The following KNG1 variants were observed in gnomAD, a reference collection of about 807,000 sequenced individuals.
KNG1 encodes kininogen 1.
Under a neutral mutation model 47.8 loss-of-function variants are expected in KNG1, and 23 were observed. That is an observed-to-expected ratio of 0.48 (90% CI 0.35 to 0.68). The LOEUF (loss-of-function observed/expected upper bound fraction) is 0.68. Ranked by LOEUF, KNG1 falls within the 30% of genes least tolerant of loss-of-function variation. The pLI, the probability that KNG1 is intolerant of heterozygous loss-of-function variation, is 0.01. For missense variants in KNG1, 762 were observed against 790.2 expected, an observed-to-expected ratio of 0.96 and a Z score of 0.43; for synonymous variants, 277 against 277.0, an observed-to-expected ratio of 1.00 and a Z score of 0.00.
At position 186,742,421 on chromosome 3, in the gene KNG1, G is replaced by A. The variant is rs1720841210; in HGVS notation, c.*90G>A. ...CCAGATGAAAATATCCTGATATAAT[G>A]CACCAAAAACCATGCAGCTTCGGAA... is the stretch of plus-strand genomic sequence containing the variant. On this transcript the variant is annotated 3_prime_UTR_variant, in exon 10 of 10. Transcript: ENST00000644859. 2 of 1,581,278 alleles carry A rather than the reference G, an allele frequency of 1.3e-6. No individual in the cohort carries two copies. The highest frequency in any genetic ancestry group is 1.7e-6 in the Non-Finnish European group (2 of 1,170,530).
rs1011827301 is a variant in KNG1 at position 186,731,404 on chromosome 3, G to A, written c.673-141G>A. ...TACCTTAGTATCTCTTTTGCAGTAA[G>A]ACTATGTTTTGCTTCTTTCTTTTTT... On this transcript the variant is annotated intron_variant, in intron 5 of 9. Coordinates refer to ENST00000644859, the MANE Select transcript of KNG1 (RefSeq NM_001102416.3). 7 of 652,264 alleles carry A rather than the reference G, an allele frequency of 1.1e-5. No homozygotes were observed. The African/African-American group carries it at 1.3e-4, about 12-fold the overall frequency. The allele number at this position is 652,264 out of a possible 1,614,324, so 40.4% of individuals were successfully genotyped here.
chr3:186,732,920 T>C (rs1248842238), intron 7 of KNG1, among the ~76,000 whole-genome samples: 1 of 152,134 alleles, frequency 6.6e-6, no homozygotes, highest in Non-Finnish European at 1.5e-5. Flanking sequence ...TTAATATATG[T>C]CAAATCACTT....
In KNG1 at chr3:186,725,289, A is replaced by G. The variant is rs552339498; in HGVS notation, c.564+29A>G. 17 of 1,600,366 alleles carry G rather than the reference A, an allele frequency of 1.1e-5. No individual in the cohort carries two copies. The South Asian group carries it at 1.4e-4, about 13-fold the overall frequency. Reference sequence around the variant, plus strand: ...TGTTCTTTAATTCTCTAAGTAGCACAGTATTACTAAAATTTGTTAGATCTT... The same window carrying G: ...TGTTCTTTAATTCTCTAAGTAGCACGGTATTACTAAAATTTGTTAGATCTT... On this transcript the variant is annotated intron_variant, in intron 4 of 9. Transcript: ENST00000644859.
intron 3 of KNG1, among the ~76,000 whole-genome samples, chr3:186,724,266 G>A (rs1720287561): frequency 6.6e-6 from 1 of 152,160 alleles, no homozygotes; most frequent in Admixed American, 6.5e-5. Flanking sequence ...GGCAGGCAGC[G>A]AGAGCTCTGT....
intron 9 of KNG1, 105 bp from the exon 10 acceptor site, chr3:186,741,417 C>A: frequency 3.0e-6 from 3 of 998,662 alleles, no homozygotes; most frequent in Non-Finnish European, 4.4e-6. Context: ...GCAAACACCT[C>A]CCCCATTGTA....
At chr3:186,718,009 ACCATCAC>A in intron 1 of KNG1, 2 of 302,200 alleles carry the variant, frequency 6.6e-6, no homozygotes, top group South Asian at 4.8e-5. Flanking sequence ...ACCACCCACC[ACCATCAC>A]CCACCACCCA....
At chr3:186,730,932 T>A (rs923987562) in intron 5 of KNG1, among the ~76,000 whole-genome samples, 1 of 151,588 alleles carries the variant, frequency 6.6e-6, no homozygotes, top group Admixed American at 6.6e-5. Flanking sequence ...AGATTTGTAA[T>A]TGCATACTAA....
rs772945510 is a variant in KNG1 at position 186,732,494 on chromosome 3, C to T, written c.758-8C>T. 4 of 1,613,962 alleles carry T rather than the reference C, an allele frequency of 2.5e-6. No homozygotes were observed. The East Asian group carries it at 8.9e-5, about 36-fold the overall frequency. ...TGTACATGTTGACTTAAAACCTGAT[C>T]CTTTCAGGGAAGGATTTTGTACAAC... On this transcript the variant is annotated splice_polypyrimidine_tract_variant and splice_region_variant and intron_variant, in intron 6 of 9. Coordinates refer to ENST00000644859, the MANE Select transcript of KNG1 (RefSeq NM_001102416.3).
intron 6 of KNG1, among the ~76,000 whole-genome samples, chr3:186,731,934 C>T (rs369602524): frequency 6.6e-6 from 1 of 152,290 alleles, no homozygotes; most frequent in South Asian, 2.1e-4. Context: ...GTCCTTAAGT[C>T]AGATGTTGTA....
In KNG1 at chr3:186,733,172, G is replaced by C. The variant is rs9877452; in HGVS notation, c.930+498G>C. 4.2e-3 allele frequency among the ~76,000 whole-genome samples: 644 copies of C among 152,196 alleles called. 4 individuals carry two copies. The highest frequency in any genetic ancestry group is 0.015 in the African/African-American group (617 of 41,524). Reference sequence around the variant, plus strand: ...GAGGCAGGAGAATCGCTTGAACCTGGGAGGCAGAGGTTGCAGTGAGCCGAG... The same window carrying C: ...GAGGCAGGAGAATCGCTTGAACCTGCGAGGCAGAGGTTGCAGTGAGCCGAG... On this transcript the variant is annotated intron_variant, in intron 7 of 9. Transcript: ENST00000644859.
intron 5 of KNG1, among the ~76,000 whole-genome samples, chr3:186,730,727 CACAT>C (rs1389611690): frequency 1.1e-4 from 5 of 45,820 alleles, no homozygotes; most frequent in African/African-American, 4.4e-4. Context: ...CACACACACA[CACAT>C]ATATATATAC....
chr3:186,738,137 C>T lies in KNG1; in HGVS notation c.931-962C>T, dbSNP rs139220796. On this transcript the variant is annotated intron_variant, in intron 7 of 9. Coordinates refer to ENST00000644859, the MANE Select transcript of KNG1 (RefSeq NM_001102416.3). ...AAATTACAGGTGTGCATCACAAAGC[C>T]CATCTAATTTTTATATTTTTAGTAG... is the stretch of plus-strand genomic sequence containing the variant. Among the ~76,000 whole-genome samples the T allele has an allele frequency of 5.8e-4, 88 of 152,002 alleles. 1 individual carries two copies. The highest frequency in any genetic ancestry group is 2.0e-3 in the African/African-American group (84 of 41,416).
intron 5 of KNG1, among the ~76,000 whole-genome samples, chr3:186,731,170 T>C (rs1720521411): frequency 6.6e-6 from 1 of 152,358 alleles, no homozygotes; most frequent in Non-Finnish European, 1.5e-5. Flanking sequence ...TGTTCATCTG[T>C]TATTTTTAAG....
At position 186,742,783 on chromosome 3, in the gene KNG1, G is replaced by T. The variant is rs1720849109; in HGVS notation, c.*452G>T. ...ATTAATGGAATAGAAATAATAAGGA[G>T]GCTGAGGCTGGAGAATTGCTTGAAC... On this transcript the variant is annotated 3_prime_UTR_variant, in exon 10 of 10. Coordinates refer to ENST00000644859, the MANE Select transcript of KNG1 (RefSeq NM_001102416.3). 4.0e-6 allele frequency: 4 copies of T among 993,344 alleles called. No homozygotes were observed. Among genetic ancestry groups the T allele is most frequent in the Non-Finnish European group, 4.8e-6 (4 of 833,874 alleles). The allele number at this position is 993,344 out of a possible 1,614,324, so 61.5% of individuals were successfully genotyped here.
chr3:186,742,173 A>C lies in KNG1; in HGVS notation c.1777A>C (p.Ile593Leu), dbSNP rs776917673. 1.9e-6 allele frequency: 3 copies of C among 1,614,204 alleles called. No homozygotes were observed. Among genetic ancestry groups the C allele is most frequent in the Non-Finnish European group, 1.7e-6 (2 of 1,180,036 alleles). The change falls in exon 10 of 10, where the codon ATA (isoleucine) becomes CTA (leucine). Residue 593 changes from isoleucine to leucine, a missense_variant. Physicochemically the swap from Ile to Leu is conservative, Grantham distance 5 (BLOSUM62 2). Coordinates refer to ENST00000644859, the MANE Select transcript of KNG1 (RefSeq NM_001102416.3). Reference sequence around the variant, plus strand: ...TGACGATTGGATCCCTGATATCCAGATAGACCCAAATGGCCTTTCATTTAA... The same window carrying C: ...TGACGATTGGATCCCTGATATCCAGCTAGACCCAAATGGCCTTTCATTTAA... ...SDDDWIPDIQ[I>L]DPNGLSFNPI...
In KNG1 at chr3:186,742,572, A is replaced by G. The variant is rs1163766594; in HGVS notation, c.*241A>G. On this transcript the variant is annotated 3_prime_UTR_variant, in exon 10 of 10. Coordinates refer to ENST00000644859, the MANE Select transcript of KNG1 (RefSeq NM_001102416.3). ...CTTCCCAAGTTTTCTAAACTAGCACAGTAAACAGACAAACTAATGTGCCGT... is the reference window on the plus strand; with the variant it reads ...CTTCCCAAGTTTTCTAAACTAGCACGGTAAACAGACAAACTAATGTGCCGT... 2.2e-6 allele frequency: 3 copies of G among 1,355,932 alleles called. No individual in the cohort carries two copies. Among genetic ancestry groups the G allele is most frequent in the African/African-American group, 1.5e-5 (1 of 68,260 alleles). 84.0% of individuals were successfully genotyped at this position (1,355,932 alleles called of 1,614,324 possible).
rs767631674 is a variant in KNG1, at chr3:186,741,650, T to C, written c.1254T>C (p.Asp418=). 1 of 1,614,142 alleles carries C rather than the reference T, an allele frequency of 6.2e-7. No individual in the cohort carries two copies. The highest frequency in any genetic ancestry group is 1.1e-5 in the South Asian group (1 of 91,066). The change falls in exon 10 of 10, where the codon GAT becomes GAC. Residue 418 remains aspartate, a synonymous_variant. Coordinates refer to ENST00000644859, the MANE Select transcript of KNG1 (RefSeq NM_001102416.3). ...SMAPAQDEER[D]SGKEQGHTRR... ...CACCTGCACAAGATGAAGAGCGGGATTCAGGAAAAGAACAAGGGCATACTC... is the reference window on the plus strand; with the variant it reads ...CACCTGCACAAGATGAAGAGCGGGACTCAGGAAAAGAACAAGGGCATACTC...
At chr3:186,731,248 G>A (rs528524527) in intron 5 of KNG1, among the ~76,000 whole-genome samples, 1 of 152,184 alleles carries the variant, frequency 6.6e-6, no homozygotes, top group East Asian at 1.9e-4. Context: ...TGTTTTAACA[G>A]TGTGAAAGTC....
At chr3:186,731,967 T>C (rs1720547122) in intron 6 of KNG1, among the ~76,000 whole-genome samples, 1 of 152,226 alleles carries the variant, frequency 6.6e-6, no homozygotes. Context: ...CTGTATTTTA[T>C]TTCTAAGCAC....
Sources: gnomAD v4.1 joint callset for allele counts (sites outside exome capture counted in the v4.1 genomes callset) on GRCh38, gnomAD v4.1.1 for gene constraint, MANE v1.5 for transcripts, NCBI Gene and HGNC (gene_info 2026-07-23, HGNC 2026-07-21) for gene names.